MYO7A: variants seen among roughly 807,000 people sequenced by gnomAD.
MYO7A encodes the protein unconventional myosin-VIIa.
MYO7A carries 210 observed loss-of-function variants against 263.8 expected under a neutral mutation model. That is an observed-to-expected ratio of 0.80 (90% CI 0.71 to 0.89). The LOEUF (loss-of-function observed/expected upper bound fraction) is 0.89. Among genes scored for constraint, MYO7A ranks in the 40% least tolerant of loss-of-function variants. MYO7A has a pLI of 0.00. For synonymous variants in MYO7A, 1,239 were observed against 1,197.3 expected (o/e 1.03, Z -0.72); for missense variants, 2,820 against 2,968.3 (o/e 0.95, Z 1.16).
chr11:77,209,720 T>C (rs2135772072), intron 44 of MYO7A, among the ~76,000 whole-genome samples: 1 of 152,326 alleles, frequency 6.6e-6, no homozygotes. Flanking sequence ...CAGTCTACCA[T>C]CATCTCTGAT....
intron 1 of MYO7A, 131 bp from the exon 2 acceptor site, chr11:77,130,458 G>T: frequency 1.5e-6 from 1 of 659,470 alleles, no homozygotes; most frequent in Non-Finnish European, 2.6e-6. Context: ...GTCAGAGGGA[G>T]AGAAGCCAAG....
At chr11:77,165,426 G>A (rs1364266814) in intron 14 of MYO7A, among the ~76,000 whole-genome samples, 1 of 152,176 alleles carries the variant, frequency 6.6e-6, no homozygotes. Flanking sequence ...CTAGGCTCCT[G>A]GGGATCCTGG....
chr11:77,212,039 C>G, intron 46 of MYO7A, 102 bp downstream of exon 46: 6 of 987,700 alleles, frequency 6.1e-6, no homozygotes, highest in Non-Finnish European at 9.4e-6. Flanking sequence ...TGGCCTTGGA[C>G]ACCTGCCCTG....
At chr11:77,191,955 C>T (rs1956112995) in intron 30 of MYO7A, 96 bp from the exon 31 acceptor site, 3 of 1,125,424 alleles carry the variant, frequency 2.7e-6, no homozygotes, top group Admixed American at 2.2e-5. Context: ...CTCGCTGGGC[C>T]TCCGTTTTCT....
intron 46 of MYO7A, chr11:77,212,726 G>A: frequency 3.4e-6 from 2 of 592,850 alleles, no homozygotes; most frequent in East Asian, 2.8e-5. Context: ...CTTGGGCTGA[G>A]AGGGAGGACA....
At chr11:77,166,855 G>A (rs1953596522) in intron 15 of MYO7A, among the ~76,000 whole-genome samples, 1 of 152,160 alleles carries the variant, frequency 6.6e-6, no homozygotes, top group Non-Finnish European at 1.5e-5. Flanking sequence ...TCTCCATGGT[G>A]GATTTTGAGT....
chr11:77,194,633 A>G, intron 32 of MYO7A, 109 bp downstream of exon 32: 1 of 1,183,762 alleles, frequency 8.4e-7, no homozygotes, highest in South Asian at 1.6e-5. Context: ...ATGGGATGGC[A>G]CCTTCCAGTG....
In MYO7A at chr11:77,190,582, G is replaced by A. The variant is rs1955985435; in HGVS notation, c.3751-115G>A. The A allele has an allele frequency of 1.6e-5, 19 of 1,218,134 alleles. No homozygotes were observed. In the South Asian group the frequency reaches 2.6e-4, roughly 16 times the overall value. 75.5% of individuals were successfully genotyped at this position (1,218,134 alleles called of 1,614,324 possible). Reference sequence around the variant, plus strand: ...ACAAGCAGTGTCCCAGTGAGGTACTGGGGCCTGGGGTGCTGGGGCACCTCC... The same window carrying A: ...ACAAGCAGTGTCCCAGTGAGGTACTAGGGCCTGGGGTGCTGGGGCACCTCC... On this transcript the variant is annotated intron_variant, in intron 29 of 48. Coordinates refer to ENST00000409709, the MANE Select transcript of MYO7A (RefSeq NM_000260.4).
rs746999215 is a variant in MYO7A, at chr11:77,208,664, AC to A, written c.5945-30del. 18 of 1,532,832 alleles carry A rather than the reference AC, an allele frequency of 1.2e-5. No individual in the cohort carries two copies. The highest frequency in any genetic ancestry group is 1.6e-5 in the Non-Finnish European group (18 of 1,126,610). 95.0% of individuals were successfully genotyped at this position (1,532,832 alleles called of 1,614,324 possible). ...GACGTGAGCACTCCTCTGTGCAGGG[AC>A]CCTCTGGGTGACCGACTGCCCTGTG... On this transcript the variant is annotated intron_variant, in intron 43 of 48. Transcript: ENST00000409709.
At position 77,214,352 on chromosome 11, in the gene MYO7A, G is replaced by C. The variant is rs61900039; in HGVS notation, c.6559-255G>C. ...ACTGAGAGCCAGTAGGGTCACTCTT[G>C]GAGGGAGGGATCCGTGACTTGAGGG... On this transcript the variant is annotated intron_variant, in intron 48 of 48. Transcript: ENST00000409709. Among the ~76,000 whole-genome samples the C allele has an allele frequency of 0.098, 14,991 of 152,278 alleles. 967 individuals are homozygous for C. The highest frequency in any genetic ancestry group is 0.14 in the East Asian group (717 of 5,174).
Position 77,198,639 on chromosome 11 carries a change from G to A in MYO7A, c.4568+18G>A, listed in dbSNP as rs763419602. On this transcript the variant is annotated intron_variant, in intron 34 of 48. Coordinates refer to ENST00000409709, the MANE Select transcript of MYO7A (RefSeq NM_000260.4). ...AGCAGCAGGTGAGGAGGCCCGCATG[G>A]AGATGCAGACAGACAGAGGGGAAGG... 6.2e-7 allele frequency: 1 copy of A among 1,613,310 alleles called. No homozygotes were observed. The highest frequency in any genetic ancestry group is 1.1e-5 in the South Asian group (1 of 90,978).
intron 4 of MYO7A, among the ~76,000 whole-genome samples, chr11:77,151,115 C>G (rs1380519081): frequency 6.6e-6 from 1 of 152,232 alleles, no homozygotes; most frequent in Non-Finnish European, 1.5e-5. Context: ...CAGGGCCACA[C>G]ATCAGCCCCA....
At chr11:77,157,239 C>T in intron 7 of MYO7A, 40 bp from the exon 8 acceptor site, 1 of 1,522,260 alleles carries the variant, frequency 6.6e-7, no homozygotes, top group African/African-American at 1.4e-5. Context: ...CTCCTCTGGC[C>T]CTCCTCCCCT....
At position 77,162,092 on chromosome 11, in the gene MYO7A, C is replaced by A. The variant is rs112338889; in HGVS notation, c.1344-28C>A. 3.6e-3 allele frequency: 5,717 copies of A among 1,570,174 alleles called. 130 individuals carry two copies. The African/African-American group carries it at 0.058, about 16-fold the overall frequency. ...ACAGCATGGTGGGGCCTGAACAACACCCTTACCCCATCCCTGTGCCCCTGC... is the reference window on the plus strand; with the variant it reads ...ACAGCATGGTGGGGCCTGAACAACAACCTTACCCCATCCCTGTGCCCCTGC... On this transcript the variant is annotated intron_variant, in intron 12 of 48. Transcript: ENST00000409709.
In MYO7A at chr11:77,162,125, A is replaced by G; in HGVS notation, c.1349A>G (p.Glu450Gly). 6.3e-7 allele frequency: 1 copy of G among 1,598,688 alleles called. No individual in the cohort carries two copies. Among genetic ancestry groups the G allele is most frequent in the Non-Finnish European group, 8.5e-7 (1 of 1,172,698 alleles). Residue 450 changes from glutamate (E) to glycine (G), a missense_variant, in exon 13 of 49, where the codon GAG becomes GGG. Coordinates refer to ENST00000409709, the MANE Select transcript of MYO7A (RefSeq NM_000260.4). ...GFENFAVNSF[E>G]QLCINFANEH... ...CCATCCCTGTGCCCCTGCAGCTTTG[A>G]GCAGCTCTGCATCAACTTCGCCAAT...
In MYO7A at chr11:77,160,045, C is replaced by T. The variant is rs549252730; in HGVS notation, c.1081-118C>T. ...ATTTGGCCGTGGGCCCTGGGGCAGG[C>T]GTGCTTAGTGGAGGCAGTGGTCTGG... On this transcript the variant is annotated intron_variant, in intron 10 of 48. Transcript: ENST00000409709. 1,328 of 1,422,306 alleles carry T rather than the reference C, an allele frequency of 9.3e-4. 13 individuals are homozygous for T. The South Asian group carries it at 0.01, about 11-fold the overall frequency. The allele number at this position is 1,422,306 out of a possible 1,614,324, so 88.1% of individuals were successfully genotyped here.
intron 15 of MYO7A, 93 bp downstream of exon 15, chr11:77,166,255 C>G: frequency 9.1e-7 from 1 of 1,102,566 alleles, no homozygotes; most frequent in Non-Finnish European, 1.4e-6. Flanking sequence ...TTCAGCTGAG[C>G]CCCCTGGCCA....
Position 77,149,277 on chromosome 11 carries a change from C to T in MYO7A, c.285+1327C>T, listed in dbSNP as rs542679234. 5.3e-3 allele frequency among the ~76,000 whole-genome samples: 802 copies of T among 152,258 alleles called. 3 individuals carry two copies. The highest frequency in any genetic ancestry group is 8.0e-3 in the Non-Finnish European group (544 of 68,002). On this transcript the variant is annotated intron_variant, in intron 4 of 48. Transcript: ENST00000409709. ...TGGCCTGATTATCTCGAGACCCAGGCCCAGGGAAGGCTGGTACTAGGGGCA... is the reference window on the plus strand; with the variant it reads ...TGGCCTGATTATCTCGAGACCCAGGTCCAGGGAAGGCTGGTACTAGGGGCA...
intron 27 of MYO7A, 31 bp from the exon 28 acceptor site, chr11:77,189,313 T>C (rs1955858546): frequency 6.2e-7 from 1 of 1,611,248 alleles, no homozygotes; most frequent in Non-Finnish European, 8.5e-7. Flanking sequence ...TGTGGGGTGA[T>C]TCCCCCTCCC....
Sources: gnomAD v4.1 joint callset for allele counts (sites outside exome capture counted in the v4.1 genomes callset) on GRCh38, gnomAD v4.1.1 for gene constraint, MANE v1.5 for transcripts, NCBI Gene and HGNC (gene_info 2026-07-23, HGNC 2026-07-21) for gene names.